Variants in GRIP1 observed in about 807,000 individuals in gnomAD.
GRIP1 encodes the protein glutamate receptor interacting protein 1.
In GRIP1, 45 loss-of-function variants were observed where a neutral mutation model predicts 129.9. The ratio of observed to expected loss-of-function variants is 0.35; its 90% CI spans 0.27 to 0.44. The LOEUF (loss-of-function observed/expected upper bound fraction) is 0.44. Ranked by LOEUF, GRIP1 falls within the 20% of genes least tolerant of loss-of-function variation. The probability of loss-of-function intolerance (pLI) is 1.00; values close to 1 mark genes in which losing one functional copy is unlikely to be tolerated. For synonymous variants in GRIP1, 530 were observed against 520.8 expected (o/e 1.02, Z -0.24); for missense variants, 1,196 against 1,396.8 (o/e 0.86, Z 2.29).
intron 1 of GRIP1, among the ~76,000 whole-genome samples, chr12:66,970,400 T>C (rs771563458): frequency 7.9e-5 from 12 of 152,180 alleles, no homozygotes; most frequent in Non-Finnish European, 1.2e-4. Flanking sequence ...TAATTTTCTG[T>C]TGAAAGCTAG....
At chr12:66,536,333 T>C (rs2061602749) in intron 4 of GRIP1, among the ~76,000 whole-genome samples, 1 of 152,190 alleles carries the variant, frequency 6.6e-6, no homozygotes, top group Non-Finnish European at 1.5e-5. Flanking sequence ...ACTTCCTGTA[T>C]CATTCAGAGA....
chr12:66,427,423 A>T lies in GRIP1; in HGVS notation c.1768+5125T>A, dbSNP rs1440534885. Reference sequence around the variant, plus strand: ...CACCACCCCCCAAACATAGAAGTATAAAAAAAATAGTATTTTCAAGGGAAA... The same window carrying T: ...CACCACCCCCCAAACATAGAAGTATTAAAAAAATAGTATTTTCAAGGGAAA... On this transcript the variant is annotated intron_variant, in intron 14 of 24. Transcript: ENST00000359742. Among the ~76,000 whole-genome samples the T allele has an allele frequency of 2.0e-5, 3 of 151,740 alleles. No homozygotes were observed. The East Asian group carries it at 5.8e-4, about 30-fold the overall frequency.
At chr12:66,467,627 A>G (rs957400036) in intron 7 of GRIP1, among the ~76,000 whole-genome samples, 2 of 151,972 alleles carry the variant, frequency 1.3e-5, no homozygotes. Context: ...CCACCTCTCA[A>G]TTTTAACAAA....
chr12:66,468,710 A>G (rs2059356021), intron 7 of GRIP1, among the ~76,000 whole-genome samples: 1 of 150,354 alleles, frequency 6.7e-6, no homozygotes, highest in Non-Finnish European at 1.5e-5. Context: ...TATATTTGCC[A>G]AAGTATTAAA....
At chr12:66,912,550 A>C (rs1401493938) in intron 1 of GRIP1, among the ~76,000 whole-genome samples, 1 of 152,150 alleles carries the variant, frequency 6.6e-6, no homozygotes, top group Non-Finnish European at 1.5e-5. Context: ...TTTTAAGGGA[A>C]AAACAAATAT....
chr12:66,839,924 TAA>T (rs1209984585), intron 1 of GRIP1, among the ~76,000 whole-genome samples: 1 of 152,204 alleles, frequency 6.6e-6, no homozygotes, highest in Admixed American at 6.5e-5. Context: ...TTATATTTGA[TAA>T]GTGTGTTTAA....
chr12:67,022,846 C>T (rs1346400339), intron 1 of GRIP1, among the ~76,000 whole-genome samples: 1 of 151,996 alleles, frequency 6.6e-6, no homozygotes, highest in Admixed American at 6.6e-5. Context: ...GTTTTTCCAC[C>T]CACACTCCCT....
At chr12:66,766,018 T>C (rs769355830) in intron 1 of GRIP1, among the ~76,000 whole-genome samples, 24 of 152,178 alleles carry the variant, frequency 1.6e-4, no homozygotes, top group Non-Finnish European at 7.4e-5. Flanking sequence ...TCTACACCCA[T>C]GATCCATCCT....
At chr12:66,591,042 T>A (rs1006087127) in intron 2 of GRIP1, among the ~76,000 whole-genome samples, 1 of 152,214 alleles carries the variant, frequency 6.6e-6, no homozygotes, top group South Asian at 2.1e-4. Flanking sequence ...AGCACTGTTC[T>A]ATGCACTGGA....
Position 66,348,885 on chromosome 12 carries a change from G to C in GRIP1, c.*134C>G. ...GGAAGTGAACATGAGCCATGAGAGA[G>C]ATTTAAAAGACCCCTGTGCTTGCAG... On this transcript the variant is annotated 3_prime_UTR_variant, in exon 25 of 25. Transcript: ENST00000359742. The C allele has an allele frequency of 1.3e-6, 1 of 767,830 alleles. No individual in the cohort carries two copies. Among genetic ancestry groups the C allele is most frequent in the South Asian group, 1.4e-5 (1 of 70,240 alleles). 47.6% of individuals were successfully genotyped at this position (767,830 alleles called of 1,614,324 possible).
chr12:66,433,058 A>C (rs986176101), intron 13 of GRIP1, among the ~76,000 whole-genome samples: 1 of 151,996 alleles, frequency 6.6e-6, no homozygotes, highest in Non-Finnish European at 1.5e-5. Context: ...CATATTTTCC[A>C]AGAGTGTGCT....
At chr12:66,476,341 C>T (rs141486754) in intron 7 of GRIP1, among the ~76,000 whole-genome samples, 2,106 of 152,176 alleles carry the variant, frequency 0.014, 37 homozygotes, top group Non-Finnish European at 0.017. Context: ...CTTAACAGAC[C>T]AATAACAGGC....
rs1028758577 is a variant in GRIP1, at chr12:66,689,342, G to A, written c.-419-59006C>T. On this transcript the variant is annotated intron_variant, in intron 1 of 4. Coordinates refer to the GRIP1 transcript ENST00000538373. The stretch of plus-strand genomic sequence containing the variant: ...GAGCCGAAGTCCAGGAAAAGCAGGC[G>A]GAAGGTCAGGGGAACCTGGGTTCTG... 3.9e-5 allele frequency among the ~76,000 whole-genome samples: 6 copies of A among 152,282 alleles called. No homozygotes were observed. In the East Asian group the frequency reaches 7.7e-4, roughly 20 times the overall value.
chr12:66,960,829 A>G (rs2041911752), intron 1 of GRIP1, among the ~76,000 whole-genome samples: 3 of 152,166 alleles, frequency 2.0e-5, no homozygotes, highest in Admixed American at 1.3e-4. Flanking sequence ...AAGGCTGAGA[A>G]GCCCTAGTAG....
chr12:66,907,387 C>T (rs2040951310), intron 1 of GRIP1, among the ~76,000 whole-genome samples: 2 of 152,132 alleles, frequency 1.3e-5, no homozygotes. Context: ...ACATAAATGG[C>T]CTCTGCTCAT....
At chr12:67,006,791 T>C (rs565454542) in intron 1 of GRIP1, among the ~76,000 whole-genome samples, 2 of 152,266 alleles carry the variant, frequency 1.3e-5, no homozygotes, top group East Asian at 1.9e-4. Flanking sequence ...GGTGTGTGTG[T>C]TGCTTTTCCG....
intron 1 of GRIP1, among the ~76,000 whole-genome samples, chr12:66,636,900 A>G (rs968071014): frequency 6.6e-6 from 1 of 152,154 alleles, no homozygotes; most frequent in East Asian, 1.9e-4. Flanking sequence ...GAGAAAATAA[A>G]TTTCTGCTGT....
intron 2 of GRIP1, among the ~76,000 whole-genome samples, chr12:66,560,108 A>T (rs2062468030): frequency 6.6e-6 from 1 of 152,112 alleles, no homozygotes; most frequent in Non-Finnish European, 1.5e-5. Flanking sequence ...GGAAAACTAG[A>T]TATCCATATG....
At chr12:66,624,342 A>T (rs1465639322) in intron 1 of GRIP1, among the ~76,000 whole-genome samples, 1 of 152,186 alleles carries the variant, frequency 6.6e-6, no homozygotes, top group African/African-American at 2.4e-5. Context: ...ATGTAACAAG[A>T]TGATTTACAA....
Sources: gnomAD v4.1 joint callset for allele counts (sites outside exome capture counted in the v4.1 genomes callset) on GRCh38, gnomAD v4.1.1 for gene constraint, MANE v1.5 for transcripts, NCBI Gene and HGNC (gene_info 2026-07-23, HGNC 2026-07-21) for gene names.